CCNJL: variants seen among roughly 807,000 people sequenced by gnomAD.
CCNJL encodes cyclin J like.
CCNJL carries 33 observed loss-of-function variants against 33.4 expected under a neutral mutation model. That is an observed-to-expected ratio of 0.99 (90% CI 0.75 to 1.32). CCNJL has a LOEUF of 1.32. Among genes scored for constraint, CCNJL ranks in the 40% most tolerant of loss-of-function variants. The pLI, the probability that CCNJL is intolerant of heterozygous loss-of-function variation, is 0.00. For missense variants in CCNJL, 512 were observed against 499.7 expected (o/e 1.02, Z -0.23); for synonymous variants, 227 against 220.9 (o/e 1.03, Z -0.24).
chr5:160,320,903 C>T (rs12515202), intron 1 of CCNJL, among the ~76,000 whole-genome samples: 1 of 142,228 alleles, frequency 7.0e-6, no homozygotes, highest in African/African-American at 2.7e-5. Context: ...TTCTTCCCTC[C>T]CTCCCTCTGT....
Position 160,259,565 on chromosome 5 carries a change from C to G in CCNJL, c.487G>C (p.Asp163His). 1 of 1,614,066 alleles carries G rather than the reference C, an allele frequency of 6.2e-7. No homozygotes were observed. ...GTGGGCCAGGTGTGGCAGTGGTGGT[C>G]CTTCTGGCTGACGGAGGCCAAGAGG... ...YYLLASVSQK[D>H]HHCHTWPTTC... The change falls in exon 4 of 6, where the codon GAC becomes CAC. Residue 163 changes from aspartate (D) to histidine (H), a missense_variant. Asp to His is a moderately conservative substitution (Grantham distance 81). Transcript: ENST00000257536.
chr5:160,299,829 T>C (rs1203152764), intron 2 of CCNJL, among the ~76,000 whole-genome samples: 2 of 143,436 alleles, frequency 1.4e-5, no homozygotes, highest in African/African-American at 5.4e-5. Context: ...TGCTCTGAAT[T>C]GCTTGGATTT....
chr5:160,292,643 G>A (rs532434258), intron 2 of CCNJL, among the ~76,000 whole-genome samples: 1 of 151,582 alleles, frequency 6.6e-6, no homozygotes, highest in South Asian at 2.1e-4. Flanking sequence ...ATGTGTGTGT[G>A]TATATATATG....
rs77406617 is a variant in CCNJL, at chr5:160,332,317, A to G, written n.206+7128T>C. Among the ~76,000 whole-genome samples, 383 of 151,984 alleles carry G rather than the reference A, an allele frequency of 2.5e-3. 8 individuals carry two copies. In the East Asian group the frequency reaches 0.061, roughly 24 times the overall value. ...ACTTCCCTGGTCCAAGCTGCCACCA[A>G]CTCTCCACTGGATAGTGGCAAAAGC... is the stretch of plus-strand genomic sequence containing the variant. On this transcript the variant is annotated intron_variant and non_coding_transcript_variant, in intron 1 of 7. Transcript: ENST00000377503.
rs1038481108 is a variant in CCNJL at position 160,302,815 on chromosome 5, A to T, written c.66+9043T>A. On this transcript the variant is annotated intron_variant, in intron 2 of 5. Transcript: ENST00000257536. ...CAACACAGTGAGACTCTGTCTCAAT[A>T]AAAAAAAAAAAATAATAATAATAAA... Among the ~76,000 whole-genome samples, 6 of 84,306 alleles carry T rather than the reference A, an allele frequency of 7.1e-5. No homozygotes were observed. The South Asian group carries it at 7.9e-4, about 11-fold the overall frequency. The allele number at this position is 84,306 out of a possible 152,430, so 55.3% of individuals were successfully genotyped here. A position where few individuals can be genotyped will look rare whatever the true frequency, so the allele number is the denominator to read the frequency against.
rs544054514 is a variant in CCNJL at position 160,267,521 on chromosome 5, A to C, written c.281-7750T>G. Reference sequence around the variant, plus strand: ...GTGTATTTTAAAAAATGAATGAATAAATGATTCCAAAGTCCCGAGCTTTTT... The same window carrying C: ...GTGTATTTTAAAAAATGAATGAATACATGATTCCAAAGTCCCGAGCTTTTT... On this transcript the variant is annotated intron_variant, in intron 3 of 5. Transcript: ENST00000257536. Among the ~76,000 whole-genome samples the C allele has an allele frequency of 1.7e-4, 26 of 152,230 alleles. No homozygotes were observed. In the East Asian group the frequency reaches 3.7e-3, roughly 22 times the overall value.
chr5:160,332,777 G>A (rs1413510736), intron 1 of CCNJL, among the ~76,000 whole-genome samples: 1 of 151,844 alleles, frequency 6.6e-6, no homozygotes, highest in Non-Finnish European at 1.5e-5. Context: ...CCTTCCATAT[G>A]TCTTCTCTGC....
chr5:160,299,093 C>G (rs1008839075), intron 2 of CCNJL, among the ~76,000 whole-genome samples: 1 of 152,128 alleles, frequency 6.6e-6, no homozygotes, highest in Admixed American at 6.5e-5. Context: ...ATCCTCCTAC[C>G]ACAGCCTTCC....
chr5:160,312,130 C>A (rs1414017750), intron 1 of CCNJL, among the ~76,000 whole-genome samples, 158 bp from the exon 2 acceptor site: 1 of 152,192 alleles, frequency 6.6e-6, no homozygotes, highest in East Asian at 1.9e-4. Flanking sequence ...CGGAAGGCTG[C>A]GGTGCCCCCT....
intron 3 of CCNJL, among the ~76,000 whole-genome samples, chr5:160,271,950 G>T (rs184491874): frequency 5.6e-4 from 86 of 152,332 alleles, no homozygotes; most frequent in African/African-American, 1.7e-3. Context: ...TTTCCTTGAA[G>T]ATTTAGGTTT....
intron 1 of CCNJL, among the ~76,000 whole-genome samples, chr5:160,324,623 G>A (rs369324435): frequency 1.3e-5 from 1 of 76,774 alleles, no homozygotes; most frequent in African/African-American, 5.1e-5. Context: ...ACAAAAAACT[G>A]TCTGTCTATC....
intron 1 of CCNJL, among the ~76,000 whole-genome samples, chr5:160,332,477 A>AGATG: frequency 6.6e-6 from 1 of 152,232 alleles, no homozygotes; most frequent in Non-Finnish European, 1.5e-5. Context: ...CACTCAGAGT[A>AGATG]AAGGCCTATA....
chr5:160,305,574 A>T (rs1162214399), intron 2 of CCNJL, among the ~76,000 whole-genome samples: 1 of 152,214 alleles, frequency 6.6e-6, no homozygotes, highest in Non-Finnish European at 1.5e-5. Flanking sequence ...TCCGTTGGAG[A>T]GCGCCAGAAA....
At chr5:160,282,555 T>A (rs1033207137) in intron 2 of CCNJL, among the ~76,000 whole-genome samples, 2 of 149,148 alleles carry the variant, frequency 1.3e-5, no homozygotes, top group Admixed American at 6.6e-5. Context: ...GAAAATCACA[T>A]GTTAATAAAA....
chr5:160,328,451 T>C (rs1183967868), intron 1 of CCNJL, among the ~76,000 whole-genome samples: 1 of 151,922 alleles, frequency 6.6e-6, no homozygotes, highest in Non-Finnish European at 1.5e-5. Context: ...TGATTTGGGA[T>C]ATGTTTTGTA....
intron 4 of CCNJL, chr5:160,258,304 C>A (rs527369109): frequency 1.3e-6 from 1 of 745,976 alleles, no homozygotes; most frequent in Admixed American, 1.8e-5. Context: ...GGATGGTATT[C>A]GAAAATGGTA....
At chr5:160,277,622 C>T (rs1351692648) in intron 3 of CCNJL, among the ~76,000 whole-genome samples, 2 of 152,176 alleles carry the variant, frequency 1.3e-5, no homozygotes, top group Non-Finnish European at 2.9e-5. Flanking sequence ...TGACGAAATG[C>T]TCTCGCTTCT....
intron 2 of CCNJL, among the ~76,000 whole-genome samples, chr5:160,299,572 G>C (rs1452915110): frequency 2.6e-5 from 4 of 151,418 alleles, no homozygotes; most frequent in African/African-American, 9.7e-5. Flanking sequence ...ATGAATTATT[G>C]GTAATTATTT....
chr5:160,337,456 T>C (rs1763697083), intron 1 of CCNJL, among the ~76,000 whole-genome samples: 1 of 152,094 alleles, frequency 6.6e-6, no homozygotes, highest in African/African-American at 2.4e-5. Context: ...GCCCTCCAAT[T>C]ATTTCACGTC....
Sources: gnomAD v4.1 joint callset for allele counts (sites outside exome capture counted in the v4.1 genomes callset) on GRCh38, gnomAD v4.1.1 for gene constraint, MANE v1.5 for transcripts, NCBI Gene and HGNC (gene_info 2026-07-23, HGNC 2026-07-21) for gene names.